The following MAST4 variants were observed in gnomAD, a reference collection of about 807,000 sequenced individuals.
MAST4 encodes the protein microtubule associated serine/threonine kinase family member 4.
A neutral mutation model predicts 162.7 loss-of-function variants in MAST4; 89 were observed. That is an observed-to-expected ratio of 0.55 (90% CI 0.46 to 0.65). MAST4 has a LOEUF of 0.65. Among genes scored for constraint, MAST4 ranks in the 30% least tolerant of loss-of-function variants. The pLI, the probability that MAST4 is intolerant of heterozygous loss-of-function variation, is 0.00. For synonymous variants in MAST4, 1,479 were observed against 1,361.1 expected, an observed-to-expected ratio of 1.09 and a Z score of -1.91; for missense variants, 3,153 against 3,374.0, an observed-to-expected ratio of 0.93 and a Z score of 1.62.
At chr5:66,960,354 A>G (rs1175340364) in intron 4 of MAST4, among the ~76,000 whole-genome samples, 1 of 152,238 alleles carries the variant, frequency 6.6e-6, no homozygotes. Context: ...CCCTGATTTT[A>G]TACTAATGAG....
chr5:67,152,821 G>A lies in MAST4; in HGVS notation c.3480G>A (p.Val1160=), dbSNP rs375392639. The change falls in exon 25 of 29, where the codon GTG becomes GTA. Residue 1160 remains valine, a synonymous_variant. Coordinates refer to ENST00000403625, the MANE Select transcript of MAST4 (RefSeq NM_001164664.2). ...NYGFTIRAIR[V]YVGDSDIYTV... ...GCTTTACCATCCGAGCCATCCGGGT[G>A]TATGTGGGAGACAGTGACATCTATA... 34 of 1,613,948 alleles carry A rather than the reference G, an allele frequency of 2.1e-5. No individual in the cohort carries two copies. The East Asian group carries it at 3.3e-4, about 16-fold the overall frequency.
chr5:66,995,652 C>T (rs1342157242), intron 4 of MAST4, among the ~76,000 whole-genome samples: 5 of 152,086 alleles, frequency 3.3e-5, no homozygotes, highest in African/African-American at 9.7e-5. Flanking sequence ...CCACCTGCCT[C>T]GGCCTCCCAA....
intron 5 of MAST4, among the ~76,000 whole-genome samples, chr5:67,083,282 C>T (rs1762873710): frequency 6.6e-6 from 1 of 152,144 alleles, no homozygotes; most frequent in South Asian, 2.1e-4. Flanking sequence ...CACCTTTGCA[C>T]ATATTTTGCT....
chr5:67,088,026 G>T (rs1763441623), intron 5 of MAST4, among the ~76,000 whole-genome samples: 2 of 152,088 alleles, frequency 1.3e-5, no homozygotes, highest in South Asian at 4.1e-4. Context: ...TTATTTTTTA[G>T]AGCAGAGTTA....
At chr5:67,091,349 C>G (rs1198828144) in intron 6 of MAST4, among the ~76,000 whole-genome samples, 2 of 152,062 alleles carry the variant, frequency 1.3e-5, no homozygotes, top group Non-Finnish European at 2.9e-5. Context: ...GTGTTAAATG[C>G]CTTTATGTAT....
chr5:67,145,313 G>C lies in MAST4; in HGVS notation c.3028G>C (p.Glu1010Gln), dbSNP rs1424638645. Reference protein sequence around the residue: ...EPGKPALPPEECAQEEPEVTT... With the variant: ...EPGKPALPPEQCAQEEPEVTT... ...AGGAAAGCCAGCCCTTCCTCCTGAA[G>C]AGTGTGCCCAGGAGGAGCCTGAGGT... The change falls in exon 23 of 29, where the codon GAG (glutamate) becomes CAG (glutamine). Residue 1010 changes from glutamate to glutamine, a missense_variant. Glu to Gln is a conservative substitution (Grantham distance 29, BLOSUM62 2). Transcript: ENST00000403625. The C allele has an allele frequency of 2.5e-6, 4 of 1,613,714 alleles. No individual in the cohort carries two copies. Among genetic ancestry groups the C allele is most frequent in the Non-Finnish European group, 3.4e-6 (4 of 1,179,896 alleles).
At chr5:67,000,758 G>GGGT (rs554306989) in intron 4 of MAST4, among the ~76,000 whole-genome samples, 1 of 138,918 alleles carries the variant, frequency 7.2e-6, no homozygotes, top group Non-Finnish European at 1.6e-5. Context: ...AAAAAAAAAG[G>GGGT]GGGGGGGTGG....
intron 2 of MAST4, among the ~76,000 whole-genome samples, chr5:66,762,736 T>A (rs1014837463): frequency 8.5e-5 from 13 of 152,272 alleles, no homozygotes; most frequent in Non-Finnish European, 1.2e-4. Context: ...AATCTGTTAC[T>A]TAACAACTGA....
intron 3 of MAST4, among the ~76,000 whole-genome samples, chr5:66,810,096 A>G (rs771896022): frequency 3.3e-5 from 5 of 152,206 alleles, no homozygotes; most frequent in African/African-American, 4.8e-5. Flanking sequence ...CAACAGTTTT[A>G]AAGCCTGTGA....
At chr5:66,824,755 G>T (rs1256699831) in intron 3 of MAST4, among the ~76,000 whole-genome samples, 1 of 152,164 alleles carries the variant, frequency 6.6e-6, no homozygotes, top group East Asian at 1.9e-4. Flanking sequence ...ATAGCCTATT[G>T]CTCCTAGTCT....
chr5:67,095,167 G>A (rs1407196392), intron 6 of MAST4, among the ~76,000 whole-genome samples: 5 of 152,100 alleles, frequency 3.3e-5, no homozygotes, highest in East Asian at 3.9e-4. Context: ...AAAGTGTTTC[G>A]GATGCAAAGA....
chr5:66,804,478 T>C (rs1484924142), intron 3 of MAST4, among the ~76,000 whole-genome samples: 3 of 152,170 alleles, frequency 2.0e-5, no homozygotes, highest in East Asian at 3.9e-4. Flanking sequence ...CTGTGGTAAG[T>C]TCTTCACATG....
intron 3 of MAST4, among the ~76,000 whole-genome samples, chr5:66,897,193 A>C (rs1036821110): frequency 6.6e-6 from 1 of 152,070 alleles, no homozygotes; most frequent in African/African-American, 2.4e-5. Flanking sequence ...TCCTCCTCCA[A>C]TTCTTACGTG....
At chr5:66,828,186 T>TTC (rs1757365957) in intron 3 of MAST4, among the ~76,000 whole-genome samples, 1 of 152,164 alleles carries the variant, frequency 6.6e-6, no homozygotes, top group Non-Finnish European at 1.5e-5. Flanking sequence ...GAAGGGCAGG[T>TTC]ATTTATGTAA....
chr5:66,630,797 A>G (rs1018561774), intron 1 of MAST4, among the ~76,000 whole-genome samples: 1 of 152,196 alleles, frequency 6.6e-6, no homozygotes, highest in Admixed American at 6.5e-5. Context: ...GGTTCCATAG[A>G]GTGATCTCTC....
chr5:67,132,005 A>T, intron 16 of MAST4, 54 bp downstream of exon 16: 1 of 1,551,440 alleles, frequency 6.4e-7, no homozygotes, highest in Non-Finnish European at 8.8e-7. Flanking sequence ...AAGTTCTCGT[A>T]TGTTTATAAA....
At chr5:66,687,442 C>T (rs900755408) in intron 1 of MAST4, among the ~76,000 whole-genome samples, 16 of 150,802 alleles carry the variant, frequency 1.1e-4, no homozygotes, top group African/African-American at 3.5e-4. Flanking sequence ...TAGTATTCCA[C>T]GGTATACACG....
At chr5:66,913,147 C>T (rs1763885867) in intron 4 of MAST4, among the ~76,000 whole-genome samples, 1 of 152,128 alleles carries the variant, frequency 6.6e-6, no homozygotes, top group Non-Finnish European at 1.5e-5. Flanking sequence ...ATACAATAAA[C>T]TGTACATAAT....
At chr5:66,890,621 C>T (rs1345719965) in intron 3 of MAST4, among the ~76,000 whole-genome samples, 2 of 152,118 alleles carry the variant, frequency 1.3e-5, no homozygotes, top group Non-Finnish European at 2.9e-5. Context: ...GAAAGAGTTG[C>T]CAAGATCTGT....
Sources: gnomAD v4.1 joint callset for allele counts (sites outside exome capture counted in the v4.1 genomes callset) on GRCh38, gnomAD v4.1.1 for gene constraint, MANE v1.5 for transcripts, NCBI Gene and HGNC (gene_info 2026-07-23, HGNC 2026-07-21) for gene names.